Variants in ENO4 observed in about 807,000 individuals in gnomAD.
ENO4 encodes the protein 2-phospho-D-glycerate hydro-lyase.
In ENO4, 53 loss-of-function variants were observed where a neutral mutation model predicts 63.2. That is an observed-to-expected ratio of 0.84 (90% CI 0.67 to 1.05). The LOEUF (loss-of-function observed/expected upper bound fraction) is 1.05. ENO4 is among the 50% of genes least tolerant of loss of function. The pLI is 0.00. For missense variants in ENO4, 719 were observed against 772.0 expected (o/e 0.93, Z 0.81); for synonymous variants, 266 against 283.8 (o/e 0.94, Z 0.63).
intron 10 of ENO4, among the ~76,000 whole-genome samples, chr10:116,874,707 C>T (rs1269426434): frequency 1.3e-5 from 2 of 152,194 alleles, no homozygotes; most frequent in Non-Finnish European, 2.9e-5. Context: ...GGGTCTCACT[C>T]TGTCACCTAG....
In ENO4 at chr10:116,856,660, G is replaced by T. The variant is rs564042506; in HGVS notation, c.463G>T (p.Ala155Ser). 6.5e-7 allele frequency: 1 copy of T among 1,532,322 alleles called. No homozygotes were observed. Among genetic ancestry groups the T allele is most frequent in the South Asian group, 1.2e-5 (1 of 83,464 alleles). The allele number at this position is 1,532,322 out of a possible 1,614,324, so 94.9% of individuals were successfully genotyped here. A position where few individuals can be genotyped will look rare whatever the true frequency, so the allele number is the denominator to read the frequency against. The change falls in exon 3 of 14, where the codon GCA becomes TCA. Residue 155 changes from alanine to serine, a missense_variant. By Grantham distance (99) the Ala-to-Ser change is moderately conservative. Coordinates refer to ENST00000341276, the MANE Select transcript of ENO4 (RefSeq NM_001242699.2). ...CCAGGGGATGGCACCCTCTGACCAG[G>T]CAGAGGTGGATCACCTACTCAGGTA... ...ELQGMAPSDQ[A>S]EVDHLLRIFF...
intron 12 of ENO4, 50 bp from the exon 13 acceptor site, chr10:116,879,819 T>G: frequency 7.3e-7 from 1 of 1,362,158 alleles, no homozygotes; most frequent in Admixed American, 2.1e-5. Flanking sequence ...GTTTGTCGTT[T>G]AGCAAGACAT....
intron 6 of ENO4, among the ~76,000 whole-genome samples, chr10:116,862,532 G>C (rs1298338325): frequency 6.6e-6 from 1 of 152,206 alleles, no homozygotes; most frequent in Non-Finnish European, 1.5e-5. Flanking sequence ...AAAAGAGGAT[G>C]AAGCTAACTT....
chr10:116,889,515 T>G (rs1223090152), intron 10 of ENO4, among the ~76,000 whole-genome samples: 1 of 152,058 alleles, frequency 6.6e-6, no homozygotes, highest in Non-Finnish European at 1.5e-5. Flanking sequence ...AGAATCCCAG[T>G]GGAAGGTGGA....
intron 10 of ENO4, among the ~76,000 whole-genome samples, chr10:116,903,465 C>T (rs1224231911): frequency 5.3e-5 from 8 of 151,780 alleles, no homozygotes; most frequent in African/African-American, 1.9e-4. Context: ...ACAGAGGTTG[C>T]AGTGAGCCGA....
In ENO4 at chr10:116,849,525, G is replaced by C. The variant is rs1488930386; in HGVS notation, c.-42G>C. 2.1e-6 allele frequency: 3 copies of C among 1,459,024 alleles called. No homozygotes were observed. Among genetic ancestry groups the C allele is most frequent in the Non-Finnish European group, 2.7e-6 (3 of 1,100,542 alleles). 90.4% of individuals were successfully genotyped at this position (1,459,024 alleles called of 1,614,324 possible). A position where few individuals can be genotyped will look rare whatever the true frequency, so the allele number is the denominator to read the frequency against. On this transcript the variant is annotated 5_prime_UTR_variant, in exon 1 of 14. Transcript: ENST00000341276. Reference sequence around the variant, plus strand: ...CCTAGCGACAGCAGGGACGCTCGTGGGACCCCAGGCTAAACCCCGCTGTAG... The same window carrying C: ...CCTAGCGACAGCAGGGACGCTCGTGCGACCCCAGGCTAAACCCCGCTGTAG...
intron 13 of ENO4, 71 bp downstream of exon 13, chr10:116,880,057 T>G: frequency 1.7e-6 from 2 of 1,206,912 alleles, no homozygotes; most frequent in Non-Finnish European, 2.4e-6. Flanking sequence ...AGAGGGGGAA[T>G]AGAAGTCCCT....
intron 7 of ENO4, among the ~76,000 whole-genome samples, chr10:116,864,162 T>C (rs1846492164): frequency 6.6e-6 from 1 of 152,192 alleles, no homozygotes; most frequent in African/African-American, 2.4e-5. Context: ...CTACAATTCA[T>C]CCTTCTAAAT....
In ENO4 at chr10:116,881,605, T is replaced by G; in HGVS notation, c.1814T>G (p.Leu605Arg). The G allele has an allele frequency of 1.3e-6, 2 of 1,550,486 alleles. No homozygotes were observed. The highest frequency in any genetic ancestry group is 4.9e-5 in the East Asian group (2 of 40,898). Reference protein sequence around the residue: ...ALEAAAAREPLVPTFPTQGVE... With the variant: ...ALEAAAAREPRVPTFPTQGVE... The stretch of plus-strand genomic sequence containing the variant: ...GAGGCTGCTGCGGCTAGGGAGCCGC[T>G]GGTGCCCACCTTCCCCACACAAGGT... Residue 605 changes from leucine to arginine, a missense_variant, in exon 14 of 14, where the codon CTG becomes CGG. Around this residue, in one of 3 missense-constraint regions of ENO4, gnomAD observed 168 missense variants for 163.3 expected, o/e 1.03. Transcript: ENST00000341276.
downstream of ENO4, chr10:116,886,365 C>G: frequency 1.3e-6 from 2 of 1,554,932 alleles, no homozygotes; most frequent in Non-Finnish European, 1.7e-6. Flanking sequence ...AGCTGTCTGT[C>G]TCTCTCACGT....
At chr10:116,900,160 C>T (rs1847680593) in intron 10 of ENO4, among the ~76,000 whole-genome samples, 1 of 152,160 alleles carries the variant, frequency 6.6e-6, no homozygotes, top group African/African-American at 2.4e-5. Flanking sequence ...TACACGGCAT[C>T]AGTTATTTTA....
At chr10:116,886,241 C>A, downstream of ENO4, 1 of 1,465,636 alleles carries the variant, frequency 6.8e-7, no homozygotes, top group Non-Finnish European at 9.2e-7. Flanking sequence ...ATTCTGAATA[C>A]AGTGACCAGA....
In ENO4 at chr10:116,859,167, G is replaced by A. The variant is rs764753636; in HGVS notation, c.634+29G>A. On this transcript the variant is annotated intron_variant, in intron 4 of 13. Coordinates refer to ENST00000341276, the MANE Select transcript of ENO4 (RefSeq NM_001242699.2). The stretch of plus-strand genomic sequence containing the variant: ...GGTTGGTGACTTATCTTGCAGAGTC[G>A]TTAGTAACAAATGTGTGAGGAAGAA... 68 of 1,502,834 alleles carry A rather than the reference G, an allele frequency of 4.5e-5. No homozygotes were observed. The East Asian group carries it at 8.2e-4, about 18-fold the overall frequency. The allele number at this position is 1,502,834 out of a possible 1,614,324, so 93.1% of individuals were successfully genotyped here. A position where few individuals can be genotyped will look rare whatever the true frequency, so the allele number is the denominator to read the frequency against.
At chr10:116,895,971 C>T (rs538741698) in intron 10 of ENO4, among the ~76,000 whole-genome samples, 1 of 152,130 alleles carries the variant, frequency 6.6e-6, no homozygotes, top group African/African-American at 2.4e-5. Context: ...ATTCCAAAAC[C>T]CTCAATCCCC....
downstream of ENO4, among the ~76,000 whole-genome samples, chr10:116,887,071 G>C (rs1847188440): frequency 6.6e-6 from 1 of 152,196 alleles, no homozygotes; most frequent in African/African-American, 2.4e-5. Flanking sequence ...CATGCTGACT[G>C]CTGCCATTAC....
intron 10 of ENO4, chr10:116,911,364 C>A: frequency 8.4e-7 from 1 of 1,186,016 alleles, no homozygotes; most frequent in Non-Finnish European, 1.1e-6. Context: ...CAGACTGTGA[C>A]CCTGATATGA....
rs1221108925 is a variant in ENO4 at position 116,911,652 on chromosome 10, TC to T, written c.*81del. The T allele has an allele frequency of 8.3e-6, 13 of 1,566,204 alleles. No individual in the cohort carries two copies. In the East Asian group the frequency reaches 3.0e-4, roughly 37 times the overall value. ...GTGATGGAGCAGTCTGTAAGCACGATCAAATAAACTGGCCAAAGATGAGGCT... is the reference window on the plus strand; with the variant it reads ...GTGATGGAGCAGTCTGTAAGCACGATAAATAAACTGGCCAAAGATGAGGCT... On this transcript the variant is annotated 3_prime_UTR_variant, in exon 11 of 11. Transcript: ENST00000369207.
At chr10:116,874,555 G>A (rs1295755903) in intron 10 of ENO4, among the ~76,000 whole-genome samples, 1 of 152,172 alleles carries the variant, frequency 6.6e-6, no homozygotes, top group Non-Finnish European at 1.5e-5. Flanking sequence ...TGTGCTAGCT[G>A]GAGCTTCAAT....
chr10:116,859,919 G>A (rs72831663), intron 4 of ENO4, among the ~76,000 whole-genome samples: 176 of 152,266 alleles, frequency 1.2e-3, no homozygotes, highest in Non-Finnish European at 2.0e-3. Context: ...GAAGTGAAGA[G>A]ATTTGCCCCG....
Sources: allele counts gnomAD v4.1 joint callset (sites outside exome capture counted in the v4.1 genomes callset), GRCh38; gene constraint gnomAD v4.1.1; regional missense constraint gnomAD v4.1.1; transcripts MANE v1.5; gene names NCBI Gene and HGNC (gene_info 2026-07-23, HGNC 2026-07-21).